Variants in LIMD1 observed in about 807,000 individuals in gnomAD.
The protein encoded by LIMD1 is LIM domain-containing protein 1.
LIMD1 carries 23 observed loss-of-function variants against 58.4 expected under a neutral mutation model. That is an observed-to-expected ratio of 0.39 (90% CI 0.28 to 0.56). LIMD1 has a LOEUF of 0.56. Among genes scored for constraint, LIMD1 ranks in the 20% least tolerant of loss-of-function variants. LIMD1 has a pLI of 0.57. For synonymous variants in LIMD1, 334 were observed against 345.5 expected, an observed-to-expected ratio of 0.97 and a Z score of 0.37; for missense variants, 838 against 855.5, an observed-to-expected ratio of 0.98 and a Z score of 0.25.
intron 2 of LIMD1, among the ~76,000 whole-genome samples, chr3:45,639,861 T>C (rs966356047): frequency 2.0e-5 from 3 of 152,104 alleles, no homozygotes; most frequent in African/African-American, 4.8e-5. Flanking sequence ...CAGGGTTTCT[T>C]CATGTTGGTC....
intron 2 of LIMD1, among the ~76,000 whole-genome samples, chr3:45,661,302 A>G (rs1271234884): frequency 1.3e-5 from 2 of 152,252 alleles, no homozygotes; most frequent in African/African-American, 2.4e-5. Context: ...GAGTGTACAC[A>G]TAATTTTGTC....
chr3:45,604,682 GTTC>G (rs1322798509), intron 1 of LIMD1, among the ~76,000 whole-genome samples: 4 of 152,142 alleles, frequency 2.6e-5, no homozygotes, highest in African/African-American at 9.7e-5. Flanking sequence ...CCCAACGGAT[GTTC>G]TTCTGGCCAG....
rs527379126 is a variant in LIMD1, at chr3:45,636,008, C to T, written c.1409-142C>T. The T allele has an allele frequency of 7.0e-5, 106 of 1,513,900 alleles. No homozygotes were observed. In the African/African-American group the frequency reaches 1.3e-3, roughly 18 times the overall value. 93.8% of individuals were successfully genotyped at this position (1,513,900 alleles called of 1,614,324 possible). A position where few individuals can be genotyped will look rare whatever the true frequency, so the allele number is the denominator to read the frequency against. On this transcript the variant is annotated intron_variant, in intron 1 of 7. Transcript: ENST00000273317. ...TGACAGAGGGAGAGGGAGAGAAAGA[C>T]ACTTCAAATGAGTCATCCACTGGAT...
intron 1 of LIMD1, among the ~76,000 whole-genome samples, chr3:45,614,440 C>T (rs1701557842): frequency 6.6e-6 from 1 of 150,662 alleles, no homozygotes; most frequent in Admixed American, 6.6e-5. Flanking sequence ...AAATCCTCTG[C>T]CCGGGTGCTG....
In LIMD1 at chr3:45,610,784, G is replaced by A. The variant is rs1449486340; in HGVS notation, c.1408+14497G>A. On this transcript the variant is annotated intron_variant, in intron 1 of 7. Transcript: ENST00000273317. ...TTGTCCAGTACGGGAGACTGGCCAC[G>A]TGCAACTGTGAAGTACTTCAAAAGG... Among the ~76,000 whole-genome samples the A allele has an allele frequency of 2.6e-5, 4 of 152,288 alleles. No homozygotes were observed. The East Asian group carries it at 5.8e-4, about 22-fold the overall frequency.
At position 45,677,261 on chromosome 3, in the gene LIMD1, T is replaced by G. The variant is rs1697684425; in HGVS notation, c.*202T>G. 1.8e-6 allele frequency: 1 copy of G among 543,670 alleles called. No individual in the cohort carries two copies. 33.7% of individuals were successfully genotyped at this position (543,670 alleles called of 1,614,324 possible). ...CCTGCGTGTATTTTCCAAGTGCTTT[T>G]CTCTGTTGCCACATTTTCCTCAGGT... On this transcript the variant is annotated 3_prime_UTR_variant, in exon 8 of 8. Transcript: ENST00000273317.
At chr3:45,666,309 C>G (rs546789831) in intron 3 of LIMD1, among the ~76,000 whole-genome samples, 10 of 152,234 alleles carry the variant, frequency 6.6e-5, no homozygotes, top group African/African-American at 2.4e-4. Context: ...GAACTCTGTG[C>G]TGCCATGTCT....
intron 3 of LIMD1, among the ~76,000 whole-genome samples, chr3:45,667,698 C>A (rs1697537455): frequency 6.6e-6 from 1 of 151,876 alleles, no homozygotes; most frequent in East Asian, 1.9e-4. Context: ...TTAACCAGAA[C>A]CGGAGTTGAA....
Position 45,608,754 on chromosome 3 carries a change from T to G in LIMD1, c.1408+12467T>G, listed in dbSNP as rs13065096. Among the ~76,000 whole-genome samples the G allele has an allele frequency of 1.5e-4, 23 of 150,236 alleles. No homozygotes were observed. In the Admixed American group the frequency reaches 1.5e-3, roughly 10 times the overall value. On this transcript the variant is annotated intron_variant, in intron 1 of 7. Coordinates refer to ENST00000273317, the MANE Select transcript of LIMD1 (RefSeq NM_014240.3). ...ACTCGGGAGGCTGAGGCAGGAGAAT[T>G]GCTTGAACCTGGGAGGCGGAGGTTG...
At chr3:45,619,366 T>C (rs1701608462) in intron 1 of LIMD1, among the ~76,000 whole-genome samples, 1 of 152,212 alleles carries the variant, frequency 6.6e-6, no homozygotes, top group Non-Finnish European at 1.5e-5. Flanking sequence ...AAAAATACAT[T>C]TGAATGTCAG....
chr3:45,617,127 A>G (rs1291347740), intron 1 of LIMD1, among the ~76,000 whole-genome samples: 1 of 149,510 alleles, frequency 6.7e-6, no homozygotes, highest in Non-Finnish European at 1.5e-5. Flanking sequence ...TCTGCCTCTC[A>G]GGTTCAAGCA....
chr3:45,675,282 C>T (rs1697652553), intron 7 of LIMD1, among the ~76,000 whole-genome samples: 1 of 152,246 alleles, frequency 6.6e-6, no homozygotes. Flanking sequence ...GTAATCTCAG[C>T]ACTTTGGGAG....
chr3:45,596,863 CT>C (rs1244008902), intron 1 of LIMD1, among the ~76,000 whole-genome samples: 215 of 135,994 alleles, frequency 1.6e-3, no homozygotes, highest in African/African-American at 1.8e-3. Flanking sequence ...AGCAGTGGAT[CT>C]TTTTTTTTTT....
At chr3:45,625,775 A>G (rs1701664201) in intron 1 of LIMD1, among the ~76,000 whole-genome samples, 1 of 152,234 alleles carries the variant, frequency 6.6e-6, no homozygotes, top group Non-Finnish European at 1.5e-5. Flanking sequence ...GGCCCTTGGC[A>G]GATACGGGCC....
intron 1 of LIMD1, among the ~76,000 whole-genome samples, chr3:45,602,097 C>T (rs1050952959): frequency 3.3e-5 from 5 of 152,136 alleles, no homozygotes; most frequent in African/African-American, 4.8e-5. Flanking sequence ...CGCCCGCCAC[C>T]ACGCCCAGCT....
At chr3:45,668,906 G>A (rs72882582) in intron 4 of LIMD1, among the ~76,000 whole-genome samples, 7 of 152,218 alleles carry the variant, frequency 4.6e-5, no homozygotes, top group African/African-American at 1.2e-4. Context: ...TGTTTGAATC[G>A]CACTGGCCTC....
chr3:45,597,082 A>G (rs1701364964), intron 1 of LIMD1, among the ~76,000 whole-genome samples: 1 of 151,628 alleles, frequency 6.6e-6, no homozygotes, highest in African/African-American at 2.4e-5. Flanking sequence ...GGATGTTCTC[A>G]ATCTCCTGAC....
At chr3:45,610,803 C>T (rs1380369735) in intron 1 of LIMD1, among the ~76,000 whole-genome samples, 1 of 152,208 alleles carries the variant, frequency 6.6e-6, no homozygotes, top group Non-Finnish European at 1.5e-5. Context: ...TGAAGTACTT[C>T]AAAAGGTGGC....
At chr3:45,665,303 C>T (rs1294318205) in intron 2 of LIMD1, among the ~76,000 whole-genome samples, 4 of 151,922 alleles carry the variant, frequency 2.6e-5, no homozygotes, top group Non-Finnish European at 4.4e-5. Flanking sequence ...GAGACTGTTG[C>T]TTGGATGCCC....
Sources: allele counts gnomAD v4.1 joint callset (sites outside exome capture counted in the v4.1 genomes callset), GRCh38; gene constraint gnomAD v4.1.1; transcripts MANE v1.5; gene names NCBI Gene and HGNC (gene_info 2026-07-23, HGNC 2026-07-21).